The following CDK14 variants were observed in gnomAD, a reference collection of about 807,000 sequenced individuals.
CDK14 encodes the protein cyclin-dependent kinase 14.
A neutral mutation model predicts 60.7 loss-of-function variants in CDK14; 34 were observed. The ratio of observed to expected loss-of-function variants is 0.56; its 90% CI spans 0.43 to 0.75. CDK14 has a LOEUF of 0.75. Ranked by LOEUF, CDK14 falls within the 30% of genes least tolerant of loss-of-function variation. CDK14 has a pLI of 0.00. For synonymous variants in CDK14, 197 were observed against 203.7 expected, an observed-to-expected ratio of 0.97 and a Z score of 0.28; for missense variants, 482 against 564.1, an observed-to-expected ratio of 0.85 and a Z score of 1.47.
chr7:91,098,068 G>C (rs1261263442), intron 12 of CDK14, among the ~76,000 whole-genome samples: 2 of 152,180 alleles, frequency 1.3e-5, no homozygotes, highest in Non-Finnish European at 2.9e-5. Flanking sequence ...AACAGGGCCT[G>C]TGTAAAGGAT....
intron 1 of CDK14, among the ~76,000 whole-genome samples, chr7:90,598,475 A>G (rs1184292049): frequency 6.6e-6 from 1 of 152,166 alleles, no homozygotes; most frequent in African/African-American, 2.4e-5. Flanking sequence ...AATGCAGTGC[A>G]GTGAGCACAG....
At chr7:90,916,942 C>T (rs945088813) in intron 7 of CDK14, among the ~76,000 whole-genome samples, 1 of 152,120 alleles carries the variant, frequency 6.6e-6, no homozygotes, top group Non-Finnish European at 1.5e-5. Flanking sequence ...TGTTGTGTTT[C>T]CTTTCCCTTT....
intron 5 of CDK14, among the ~76,000 whole-genome samples, chr7:90,803,200 C>A (rs943809086): frequency 6.6e-6 from 1 of 151,538 alleles, no homozygotes; most frequent in African/African-American, 2.4e-5. Flanking sequence ...TATTTAATCT[C>A]CTGCCTGGAA....
chr7:91,085,074 G>C (rs556263418), intron 12 of CDK14, among the ~76,000 whole-genome samples: 1 of 152,152 alleles, frequency 6.6e-6, no homozygotes, highest in Non-Finnish European at 1.5e-5. Context: ...TGTATTCTGC[G>C]ACTGCCATAA....
intron 1 of CDK14, 24 bp downstream of exon 1, chr7:90,596,742 C>A (rs756473872): frequency 4.9e-5 from 77 of 1,575,512 alleles, no homozygotes; most frequent in Non-Finnish European, 5.9e-5. Context: ...TGCCCCCGGC[C>A]CCCCCAGCGC....
intron 2 of CDK14, among the ~76,000 whole-genome samples, chr7:90,667,301 A>G (rs924228067): frequency 6.6e-6 from 1 of 152,164 alleles, no homozygotes. Context: ...GATAGAAATA[A>G]TATACCATGA....
chr7:90,938,627 A>G (rs1003875411), intron 8 of CDK14, among the ~76,000 whole-genome samples: 14 of 152,210 alleles, frequency 9.2e-5, no homozygotes, highest in African/African-American at 3.4e-4. Context: ...TAGTGCAACA[A>G]TGAATGCTAA....
rs114888853 is a variant in CDK14 at position 90,768,005 on chromosome 7, C to T, written c.464+20230C>T. Reference sequence around the variant, plus strand: ...TCACTTCCTTGTACATTCATATCTACGTAGGTATATTTATATTGTTTACAC... The same window carrying T: ...TCACTTCCTTGTACATTCATATCTATGTAGGTATATTTATATTGTTTACAC... On this transcript the variant is annotated intron_variant, in intron 4 of 14. Transcript: ENST00000380050. Among the ~76,000 whole-genome samples, 797 of 152,236 alleles carry T rather than the reference C, an allele frequency of 5.2e-3. 8 individuals carry two copies. Among genetic ancestry groups the T allele is most frequent in the African/African-American group, 0.017 (718 of 41,540 alleles).
intron 2 of CDK14, among the ~76,000 whole-genome samples, chr7:90,687,230 C>T (rs891737405): frequency 4.6e-5 from 7 of 151,952 alleles, no homozygotes; most frequent in Admixed American, 1.3e-4. Flanking sequence ...TTGAGGGATA[C>T]GTGTAGGGTA....
rs1434155503 is a variant in CDK14 at position 90,910,281 on chromosome 7, T to G, written c.703-7320T>G. Reference sequence around the variant, plus strand: ...TGTACATTGCATTAAAAATTAAGATTTAATATTTGCATTAGCTGTTTTGAA... The same window carrying G: ...TGTACATTGCATTAAAAATTAAGATGTAATATTTGCATTAGCTGTTTTGAA... On this transcript the variant is annotated intron_variant, in intron 7 of 14. Transcript: ENST00000380050. 2.6e-5 allele frequency among the ~76,000 whole-genome samples: 4 copies of G among 152,330 alleles called. No individual in the cohort carries two copies. In the East Asian group the frequency reaches 5.8e-4, roughly 22 times the overall value.
chr7:90,957,410 T>C (rs2117573917), intron 9 of CDK14, among the ~76,000 whole-genome samples: 1 of 152,286 alleles, frequency 6.6e-6, no homozygotes, highest in South Asian at 2.1e-4. Flanking sequence ...GGAAGTCAAA[T>C]TGTCCCTGTT....
intron 10 of CDK14, among the ~76,000 whole-genome samples, chr7:90,989,885 A>G (rs948405647): frequency 7.9e-5 from 12 of 152,170 alleles, no homozygotes; most frequent in Non-Finnish European, 1.2e-4. Flanking sequence ...TGTATAAATT[A>G]TGGGTGTTTA....
chr7:90,802,242 G>T (rs1435485961), intron 5 of CDK14, among the ~76,000 whole-genome samples: 1 of 152,192 alleles, frequency 6.6e-6, no homozygotes, highest in Non-Finnish European at 1.5e-5. Context: ...ACCCTGTGTA[G>T]TAGGTGACAG....
chr7:90,649,571 A>G (rs992405376), intron 2 of CDK14, among the ~76,000 whole-genome samples: 4 of 149,886 alleles, frequency 2.7e-5, no homozygotes, highest in South Asian at 2.1e-4. Context: ...TTAACTCGTC[A>G]TTTACATTAG....
Position 91,066,742 on chromosome 7 carries a change from A to G in CDK14, c.1106-12690A>G, listed in dbSNP as rs532731292. Among the ~76,000 whole-genome samples, 24 of 152,308 alleles carry G rather than the reference A, an allele frequency of 1.6e-4. 1 individual carries two copies. The South Asian group carries it at 4.1e-3, about 26-fold the overall frequency. Reference sequence around the variant, plus strand: ...TTGTTTTCCTGTGGAATGTCAACGAATTGCAGTGCTTACGTGCATGGCGGT... The same window carrying G: ...TTGTTTTCCTGTGGAATGTCAACGAGTTGCAGTGCTTACGTGCATGGCGGT... On this transcript the variant is annotated intron_variant, in intron 11 of 14. Transcript: ENST00000380050.
chr7:90,657,253 C>G (rs1229357272), intron 2 of CDK14, among the ~76,000 whole-genome samples: 2 of 152,160 alleles, frequency 1.3e-5, no homozygotes, highest in African/African-American at 2.4e-5. Context: ...AAATCATTCA[C>G]TGTGATAAGG....
chr7:91,182,021 T>A lies in CDK14; in HGVS notation c.*29-25144T>A, dbSNP rs117284690. Among the ~76,000 whole-genome samples the A allele has an allele frequency of 3.7e-3, 563 of 152,252 alleles. 9 individuals carry two copies. Among genetic ancestry groups the A allele is most frequent in the East Asian group, 0.035 (181 of 5,190 alleles). On this transcript the variant is annotated intron_variant, in intron 14 of 14. Transcript: ENST00000380050. ...TTTTAAGATGAAACACATTATAAAT[T>A]TATATTCATAGTTATAATTCAAATT...
intron 5 of CDK14, among the ~76,000 whole-genome samples, chr7:90,809,223 A>G (rs544791341): frequency 2.0e-5 from 3 of 152,348 alleles, no homozygotes; most frequent in African/African-American, 7.2e-5. Context: ...AGTTGGAAGT[A>G]AAGCTCCCCT....
intron 12 of CDK14, chr7:91,107,750 C>T (rs1456310306): frequency 6.6e-6 from 1 of 152,208 alleles, no homozygotes; most frequent in Non-Finnish European, 1.5e-5. Flanking sequence ...AATGCAGCTG[C>T]ACTTCCTAGA....
Sources: allele counts gnomAD v4.1 joint callset (sites outside exome capture counted in the v4.1 genomes callset), GRCh38; gene constraint gnomAD v4.1.1; transcripts MANE v1.5; gene names NCBI Gene and HGNC (gene_info 2026-07-23, HGNC 2026-07-21).